Variants in RTN4 observed in about 807,000 individuals in gnomAD.
The protein encoded by RTN4 is reticulon-4.
RTN4 carries 32 observed loss-of-function variants against 90.4 expected under a neutral mutation model. The ratio of observed to expected loss-of-function variants is 0.35; its 90% CI spans 0.27 to 0.48. RTN4 has a LOEUF of 0.48. RTN4 is among the 20% of genes least tolerant of loss of function. The pLI is 0.99. For missense variants in RTN4, 1,706 were observed against 1,430.2 expected, an observed-to-expected ratio of 1.19 and a Z score of -3.11; for synonymous variants, 629 against 552.5, an observed-to-expected ratio of 1.14 and a Z score of -1.94.
intron 2 of RTN4, among the ~76,000 whole-genome samples, chr2:55,079,748 T>C (rs1668675043): frequency 6.6e-6 from 1 of 152,170 alleles, no homozygotes; most frequent in African/African-American, 2.4e-5. Flanking sequence ...CTCTCCTACA[T>C]AGGGATGATG....
At chr2:54,987,957 C>A (rs993828985) in intron 3 of RTN4, among the ~76,000 whole-genome samples, 1 of 152,126 alleles carries the variant, frequency 6.6e-6, no homozygotes, top group African/African-American at 2.4e-5. Flanking sequence ...TCATTCTAGC[C>A]ATACACAATG....
chr2:55,073,698 A>G (rs999550521), intron 2 of RTN4, among the ~76,000 whole-genome samples: 2 of 152,252 alleles, frequency 1.3e-5, no homozygotes, highest in South Asian at 2.1e-4. Context: ...GCTCATATCA[A>G]TGGCTTTCTG....
rs112821685 is a variant in RTN4, at chr2:55,009,438, G to T, written c.3013+15648C>A. ...ACAATGATCCACTGAGATTTGAAAGGATCTGGGCTTTCAAGGGGGAGGAAA... is the reference window on the plus strand; with the variant it reads ...ACAATGATCCACTGAGATTTGAAAGTATCTGGGCTTTCAAGGGGGAGGAAA... On this transcript the variant is annotated intron_variant, in intron 3 of 8. Transcript: ENST00000337526. 8.0e-3 allele frequency among the ~76,000 whole-genome samples: 1,214 copies of T among 152,186 alleles called. 13 individuals carry two copies. Among genetic ancestry groups the T allele is most frequent in the Non-Finnish European group, 0.011 (733 of 67,980 alleles).
At chr2:55,010,027 AT>A in intron 3 of RTN4, 1 of 1,560,988 alleles carries the variant, frequency 6.4e-7, no homozygotes, top group Middle Eastern at 1.7e-4. Flanking sequence ...AAGCTTATTC[AT>A]AGAAATATAT....
Position 55,028,052 on chromosome 2 carries a change from C to T in RTN4, c.613+112G>A, listed in dbSNP as rs749982227. 3.7e-5 allele frequency: 33 copies of T among 898,686 alleles called. No individual in the cohort carries two copies. The Middle Eastern group carries it at 6.9e-4, about 19-fold the overall frequency. The allele number at this position is 898,686 out of a possible 1,614,324, so 55.7% of individuals were successfully genotyped here. A position where few individuals can be genotyped will look rare whatever the true frequency, so the allele number is the denominator to read the frequency against. ...CAACTTTTCCAGTAGACAAAACATTCTCGGAACCATGCTAATTTTTAGTAA... is the reference window on the plus strand; with the variant it reads ...CAACTTTTCCAGTAGACAAAACATTTTCGGAACCATGCTAATTTTTAGTAA... On this transcript the variant is annotated intron_variant, in intron 2 of 8. Transcript: ENST00000337526.
chr2:54,974,949 ATAAT>A (rs759467269), intron 5 of RTN4, among the ~76,000 whole-genome samples, 185 bp from the exon 6 acceptor site: 13 of 152,240 alleles, frequency 8.5e-5, no homozygotes, highest in Non-Finnish European at 1.3e-4. Flanking sequence ...AAATCCTAAA[ATAAT>A]TAATAGATTT....
At chr2:55,079,753 A>G (rs1668675146) in intron 2 of RTN4, among the ~76,000 whole-genome samples, 1 of 152,182 alleles carries the variant, frequency 6.6e-6, no homozygotes, top group African/African-American at 2.4e-5. Flanking sequence ...CTACATAGGG[A>G]TGATGCCTAG....
intron 1 of RTN4, among the ~76,000 whole-genome samples, chr2:55,045,990 T>C (rs957394993): frequency 1.3e-5 from 2 of 152,224 alleles, no homozygotes; most frequent in African/African-American, 4.8e-5. Flanking sequence ...GGTTTTAGTC[T>C]CACTTCAGTT....
At chr2:55,120,326 C>A in the RTN4 span, among the ~76,000 whole-genome samples, 1 of 152,156 alleles carries the variant, frequency 6.6e-6, no homozygotes, top group Non-Finnish European at 1.5e-5. Context: ...TCCAGCTCAC[C>A]AGGGTGGGCA....
chr2:55,120,073 G>A, the RTN4 span, among the ~76,000 whole-genome samples: 28 of 152,296 alleles, frequency 1.8e-4, 1 homozygote, highest in Admixed American at 7.8e-4. Flanking sequence ...ACTGGCCCAC[G>A]GCACTGAGAG....
upstream of RTN4, among the ~76,000 whole-genome samples, chr2:55,113,974 G>A (rs1413057667): frequency 2.0e-5 from 3 of 152,170 alleles, no homozygotes; most frequent in Admixed American, 6.5e-5. Context: ...TCTATGCTGA[G>A]CCTATTGCTC....
chr2:55,120,855 C>T, the RTN4 span, among the ~76,000 whole-genome samples: 4 of 152,104 alleles, frequency 2.6e-5, no homozygotes, highest in Non-Finnish European at 5.9e-5. Flanking sequence ...CTCGGGTCTC[C>T]GGCTTACACA....
At chr2:55,107,002 C>T (rs1227713780) in intron 1 of RTN4, among the ~76,000 whole-genome samples, 1 of 152,048 alleles carries the variant, frequency 6.6e-6, no homozygotes, top group Non-Finnish European at 1.5e-5. Flanking sequence ...ATATTAAACT[C>T]TTAAATTAAG....
chr2:55,067,110 C>T (rs1004091385), intron 2 of RTN4, among the ~76,000 whole-genome samples: 1 of 152,020 alleles, frequency 6.6e-6, no homozygotes, highest in African/African-American at 2.4e-5. Context: ...ATTAGTATTA[C>T]AAAAATATAA....
At chr2:55,031,413 C>A (rs1404167839) in intron 1 of RTN4, among the ~76,000 whole-genome samples, 1 of 152,170 alleles carries the variant, frequency 6.6e-6, no homozygotes, top group African/African-American at 2.4e-5. Context: ...GGGTAACATA[C>A]AAAGTAAAGC....
chr2:55,129,393 G>C, the RTN4 span, among the ~76,000 whole-genome samples: 1 of 151,940 alleles, frequency 6.6e-6, no homozygotes, highest in Non-Finnish European at 1.5e-5. Context: ...GGGAAACATA[G>C]AGAGACTGTG....
intron 2 of RTN4, among the ~76,000 whole-genome samples, chr2:55,070,545 C>CAAAAAAAAAAA (rs747838297): frequency 5.9e-5 from 4 of 67,322 alleles, no homozygotes; most frequent in Non-Finnish European, 8.6e-5. Flanking sequence ...GACTCTGTCT[C>CAAAAAAAAAAA]AAAAAAAAAA....
intron 1 of RTN4, among the ~76,000 whole-genome samples, chr2:55,094,538 C>T (rs545589024): frequency 1.2e-4 from 19 of 152,206 alleles, no homozygotes; most frequent in Middle Eastern, 3.4e-3. Context: ...TGGGAAAATA[C>T]GCCACATACC....
chr2:55,019,475 T>C (rs1277038651), intron 3 of RTN4, among the ~76,000 whole-genome samples: 1 of 152,094 alleles, frequency 6.6e-6, no homozygotes, highest in African/African-American at 2.4e-5. Flanking sequence ...ACGGTCAAAA[T>C]TAACATAACC....
Sources: allele counts gnomAD v4.1 joint callset (sites outside exome capture counted in the v4.1 genomes callset), GRCh38; gene constraint gnomAD v4.1.1; transcripts MANE v1.5; gene names NCBI Gene and HGNC (gene_info 2026-07-23, HGNC 2026-07-21).